SGCZ: variants seen among roughly 807,000 people sequenced by gnomAD.
SGCZ encodes sarcoglycan zeta, also known as zeta-sarcoglycan.
SGCZ carries 40 observed loss-of-function variants against 41.3 expected under a neutral mutation model. That is an observed-to-expected ratio of 0.97 (90% CI 0.75 to 1.26). The LOEUF (loss-of-function observed/expected upper bound fraction) is 1.26, where lower values mean the gene tolerates loss of function less well. Ranked by LOEUF, SGCZ falls within the 50% of genes most tolerant of loss-of-function variation. SGCZ has a pLI of 0.00. For missense variants in SGCZ, 552 were observed against 369.8 expected (o/e 1.49, Z -4.04); for synonymous variants, 206 against 137.5 (o/e 1.50, Z -3.49).
chr8:15,038,897 T>G (rs1803973427), intron 1 of SGCZ, among the ~76,000 whole-genome samples: 1 of 148,964 alleles, frequency 6.7e-6, no homozygotes, highest in African/African-American at 2.5e-5. Context: ...ACATCACTAA[T>G]CATCAGAGAA....
chr8:14,637,892 G>A (rs76567643), intron 1 of SGCZ, among the ~76,000 whole-genome samples: 16,739 of 151,766 alleles, frequency 0.11, 1,093 homozygotes, highest in African/African-American at 0.19. Context: ...TGAGAAGTCT[G>A]CAAACTGCTT....
At chr8:14,313,077 A>G (rs1002876158) in intron 3 of SGCZ, among the ~76,000 whole-genome samples, 7 of 152,164 alleles carry the variant, frequency 4.6e-5, no homozygotes, top group Non-Finnish European at 1.0e-4. Context: ...TGATACTCAG[A>G]TAAGTTACAT....
intron 1 of SGCZ, among the ~76,000 whole-genome samples, chr8:15,050,696 G>A (rs576068709): frequency 1.3e-5 from 2 of 152,140 alleles, no homozygotes; most frequent in African/African-American, 2.4e-5. Context: ...CCAAATCAGA[G>A]TGAATTGATA....
At chr8:14,990,169 C>A (rs1801960557) in intron 1 of SGCZ, among the ~76,000 whole-genome samples, 2 of 152,110 alleles carry the variant, frequency 1.3e-5, no homozygotes, top group African/African-American at 4.8e-5. Context: ...GCAATTAACG[C>A]AACATGCTGC....
chr8:14,260,598 T>C (rs2117232515), intron 3 of SGCZ, among the ~76,000 whole-genome samples: 1 of 149,084 alleles, frequency 6.7e-6, no homozygotes, highest in African/African-American at 2.4e-5. Flanking sequence ...CATTACTGGG[T>C]ATATACCCAA....
At chr8:14,494,653 T>C (rs188248673) in intron 2 of SGCZ, among the ~76,000 whole-genome samples, 2 of 152,232 alleles carry the variant, frequency 1.3e-5, no homozygotes, top group East Asian at 3.9e-4. Flanking sequence ...GCTGCAAAAC[T>C]TTTTTCAGTC....
chr8:15,133,475 A>G (rs1189018755), intron 1 of SGCZ, among the ~76,000 whole-genome samples: 1 of 152,094 alleles, frequency 6.6e-6, no homozygotes, highest in Non-Finnish European at 1.5e-5. Flanking sequence ...GAAAAAGTCG[A>G]TTTTAGACTC....
intron 2 of SGCZ, among the ~76,000 whole-genome samples, chr8:14,522,045 T>C (rs1802806732): frequency 6.6e-6 from 1 of 152,238 alleles, no homozygotes; most frequent in South Asian, 2.1e-4. Context: ...TCATCTTTAC[T>C]CAGTTAACCT....
At chr8:15,185,192 G>GA (rs1022961946) in intron 1 of SGCZ, among the ~76,000 whole-genome samples, 3 of 152,084 alleles carry the variant, frequency 2.0e-5, no homozygotes, top group African/African-American at 7.2e-5. Flanking sequence ...AAGTTAGGAG[G>GA]AAAAAATAGA....
chr8:14,791,590 A>G (rs982562225), intron 1 of SGCZ, among the ~76,000 whole-genome samples: 2 of 152,198 alleles, frequency 1.3e-5, no homozygotes, highest in African/African-American at 2.4e-5. Context: ...TCCCAAACCC[A>G]TCCCCAATTT....
intron 1 of SGCZ, among the ~76,000 whole-genome samples, chr8:14,856,717 G>A (rs1803556719): frequency 6.6e-6 from 1 of 152,166 alleles, no homozygotes; most frequent in Admixed American, 6.5e-5. Context: ...TTAGGCAGCA[G>A]TATGTTTAAA....
intron 2 of SGCZ, among the ~76,000 whole-genome samples, chr8:14,432,684 C>T (rs1011396665): frequency 3.3e-5 from 5 of 152,158 alleles, no homozygotes; most frequent in South Asian, 4.1e-4. Flanking sequence ...GAGGCTGAGG[C>T]GGGCCGATCA....
intron 1 of SGCZ, among the ~76,000 whole-genome samples, chr8:14,741,904 G>C (rs1329425399): frequency 1.6e-5 from 2 of 127,548 alleles, no homozygotes; most frequent in Non-Finnish European, 3.1e-5. Flanking sequence ...AACTTTTTCA[G>C]AACTGTTCCA....
intron 2 of SGCZ, among the ~76,000 whole-genome samples, chr8:14,325,531 C>T: frequency 6.9e-6 from 1 of 144,558 alleles, no homozygotes; most frequent in Non-Finnish European, 1.5e-5. Flanking sequence ...GATATATAAT[C>T]AAAATCATAT....
Position 14,852,521 on chromosome 8 carries a change from A to G in SGCZ, c.40-297595T>C, listed in dbSNP as rs1438187523. ...ATTAATTCAACAAAAGTTGCCATCG[A>G]GTACACACCAGCCCAAAGTAACAAA... On this transcript the variant is annotated intron_variant, in intron 1 of 7. Transcript: ENST00000382080. 5.3e-5 allele frequency among the ~76,000 whole-genome samples: 8 copies of G among 152,322 alleles called. No individual in the cohort carries two copies. The East Asian group carries it at 1.2e-3, about 22-fold the overall frequency.
intron 1 of SGCZ, among the ~76,000 whole-genome samples, chr8:14,923,770 T>A (rs1314905803): frequency 6.6e-6 from 1 of 152,242 alleles, no homozygotes; most frequent in Non-Finnish European, 1.5e-5. Context: ...TTCATGTTTT[T>A]AAATTGTATT....
At chr8:14,411,290 A>C (rs1344779467) in intron 2 of SGCZ, among the ~76,000 whole-genome samples, 1 of 152,180 alleles carries the variant, frequency 6.6e-6, no homozygotes, top group East Asian at 1.9e-4. Flanking sequence ...AACAAAAACA[A>C]AAAACGTAAA....
intron 1 of SGCZ, among the ~76,000 whole-genome samples, chr8:14,796,834 C>T (rs532072276): frequency 6.6e-6 from 1 of 152,122 alleles, no homozygotes; most frequent in Non-Finnish European, 1.5e-5. Flanking sequence ...TTCGCCCATG[C>T]TACTCTCAAG....
intron 6 of SGCZ, among the ~76,000 whole-genome samples, 161 bp downstream of exon 6, chr8:14,108,002 T>C (rs1418512964): frequency 6.9e-6 from 1 of 145,886 alleles, no homozygotes; most frequent in Non-Finnish European, 1.5e-5. Context: ...TTGCCTTTTC[T>C]TTTTTTTTCC....
Sources: gnomAD v4.1 joint callset for allele counts (sites outside exome capture counted in the v4.1 genomes callset) on GRCh38, gnomAD v4.1.1 for gene constraint, MANE v1.5 for transcripts, NCBI Gene and HGNC (gene_info 2026-07-23, HGNC 2026-07-21) for gene names.